The following ZNF391 variants were observed in gnomAD, a reference collection of about 807,000 sequenced individuals.
The protein encoded by ZNF391 is zinc finger protein 391.
For missense variants in ZNF391, 375 were observed against 425.5 expected (o/e 0.88, Z 1.04); for synonymous variants, 126 against 142.1 (o/e 0.89, Z 0.80).
intron 1 of ZNF391, among the ~76,000 whole-genome samples, chr6:27,392,359 A>C (rs575761299): frequency 6.6e-6 from 1 of 152,228 alleles, no homozygotes; most frequent in East Asian, 1.9e-4. Flanking sequence ...AGGTTCAAGC[A>C]ATTCTTCTGC....
chr6:27,396,235 G>A (rs1166453622), intron 1 of ZNF391, among the ~76,000 whole-genome samples: 1 of 152,128 alleles, frequency 6.6e-6, no homozygotes, highest in Non-Finnish European at 1.5e-5. Context: ...GAAGGAAAAG[G>A]AAAGTGATTT....
chr6:27,389,130 G>A, intron 1 of ZNF391, 55 bp downstream of exon 1: 1 of 456,670 alleles, frequency 2.2e-6, no homozygotes, highest in Non-Finnish European at 4.4e-6. Flanking sequence ...CGAAGGAAAC[G>A]GGCGAAAGGG....
Position 27,376,268 on chromosome 6 carries a change from T to A in ZNF391, n.523+1131T>A, listed in dbSNP as rs1455718688. ...TTGAAATGAATGAATTATTAATGAA[T>A]TATTATTAACACATTACAGATGAGT... On this transcript the variant is annotated intron_variant and non_coding_transcript_variant, in intron 1 of 2. Transcript: ENST00000477999. The surrounding 1 kb of genome is among the most constrained non-coding windows in gnomAD (Gnocchi z 4.7). Among the ~76,000 whole-genome samples, 9 of 152,216 alleles carry A rather than the reference T, an allele frequency of 5.9e-5. No homozygotes were observed. Among genetic ancestry groups the A allele is most frequent in the Non-Finnish European group, 1.3e-4 (9 of 68,044 alleles).
intron 1 of ZNF391, chr6:27,391,201 C>CTCT (rs1554125726): frequency 2.1e-5 from 2 of 97,278 alleles, no homozygotes; most frequent in African/African-American, 8.1e-5. Flanking sequence ...ATTCATTGTA[C>CTCT]TTTTTTTTTT....
chr6:27,387,217 A>G (rs75609535), upstream of ZNF391, among the ~76,000 whole-genome samples: 4,801 of 152,318 alleles, frequency 0.032, 171 homozygotes, highest in East Asian at 0.13. Context: ...AGTGTTAGCA[A>G]AGATGTGGAG....
intron 1 of ZNF391, among the ~76,000 whole-genome samples, chr6:27,393,637 C>G (rs1389194546): frequency 6.6e-6 from 1 of 152,122 alleles, no homozygotes; most frequent in Admixed American, 6.5e-5. Flanking sequence ...AACTGGGTAA[C>G]AGGCAGAGGG....
At position 27,403,750 on chromosome 6, in the gene ZNF391, A is replaced by G. The variant is rs1325169575; in HGVS notation, c.*2303A>G. The G allele has an allele frequency of 6.6e-6, 1 of 152,200 alleles. No homozygotes were observed. Among genetic ancestry groups the G allele is most frequent in the African/African-American group, 2.4e-5 (1 of 41,440 alleles). The allele number at this position is 152,200 out of a possible 1,614,324, so 9.4% of individuals were successfully genotyped here. A position where few individuals can be genotyped will look rare whatever the true frequency, so the allele number is the denominator to read the frequency against. ...ATTACATATATAACTGACTATTTAGACTGACTCCTTTAGATCTCCTGGGAT... is the reference window on the plus strand; with the variant it reads ...ATTACATATATAACTGACTATTTAGGCTGACTCCTTTAGATCTCCTGGGAT... On this transcript the variant is annotated 3_prime_UTR_variant, in exon 3 of 3. Transcript: ENST00000244576.
At chr6:27,382,847 C>T (rs4713088) in intron 1 of ZNF391, among the ~76,000 whole-genome samples, 108,523 of 152,068 alleles carry the variant, frequency 0.71, 38,900 homozygotes, top group Middle Eastern at 0.8. Context: ...AGGCTGAGCA[C>T]GGTGGCTCAT....
upstream of ZNF391, among the ~76,000 whole-genome samples, chr6:27,387,295 T>C (rs972487788): frequency 6.6e-6 from 1 of 152,224 alleles, no homozygotes; most frequent in African/African-American, 2.4e-5. Context: ...AACAGTTTGA[T>C]GGTTCCTCTA....
chr6:27,390,494 A>G (rs1761679823), intron 1 of ZNF391, among the ~76,000 whole-genome samples: 1 of 152,204 alleles, frequency 6.6e-6, no homozygotes, highest in South Asian at 2.1e-4. Context: ...TGGTGGAGGA[A>G]TCCCTTGGAT....
At chr6:27,385,461 A>T (rs1250516225), upstream of ZNF391, among the ~76,000 whole-genome samples, 2 of 152,238 alleles carry the variant, frequency 1.3e-5, 1 homozygote, top group Admixed American at 1.3e-4. Flanking sequence ...TACCATACTA[A>T]CACTAATCAA....
intron 1 of ZNF391, among the ~76,000 whole-genome samples, chr6:27,380,361 GGTGA>G (rs1322892583): frequency 6.6e-6 from 1 of 152,116 alleles, no homozygotes. Flanking sequence ...AGACCTTCGC[GGTGA>G]GTATTACAGC....
intron 1 of ZNF391, among the ~76,000 whole-genome samples, chr6:27,397,492 T>C (rs1488420319): frequency 6.6e-6 from 1 of 152,082 alleles, no homozygotes; most frequent in Non-Finnish European, 1.5e-5. Context: ...CAGCATGAGA[T>C]TTGGAGGGAA....
At chr6:27,393,914 T>C (rs1326488720) in intron 1 of ZNF391, among the ~76,000 whole-genome samples, 2 of 152,210 alleles carry the variant, frequency 1.3e-5, no homozygotes, top group Non-Finnish European at 2.9e-5. Flanking sequence ...ATTTAGGGTA[T>C]CTGGCAGAAG....
rs56209734 is a variant in ZNF391 at position 27,379,613 on chromosome 6, ACC to A, written n.523+4484_523+4485del. Among the ~76,000 whole-genome samples the A allele has an allele frequency of 1.3e-3, 192 of 151,524 alleles. 4 individuals are homozygous for A. In the South Asian group the frequency reaches 0.035, roughly 28 times the overall value. ...TCCAGGAGAACCCAGTCACCAGGGGACCCCCCCCCATACTTTTGTGAGTTTTA... is the reference window on the plus strand; with the variant it reads ...TCCAGGAGAACCCAGTCACCAGGGGACCCCCCCATACTTTTGTGAGTTTTA... On this transcript the variant is annotated intron_variant and non_coding_transcript_variant, in intron 1 of 2. Coordinates refer to the ZNF391 transcript ENST00000477999.
chr6:27,380,907 G>T lies in ZNF391; in HGVS notation n.523+5770G>T, dbSNP rs1038619014. ...TGATTGGTATGTTTACAAACCTTGAGTTAGATACAGAGTGCCCATTGGTGT... is the reference window on the plus strand; with the variant it reads ...TGATTGGTATGTTTACAAACCTTGATTTAGATACAGAGTGCCCATTGGTGT... On this transcript the variant is annotated intron_variant and non_coding_transcript_variant, in intron 1 of 2. Coordinates refer to the ZNF391 transcript ENST00000477999. Among the ~76,000 whole-genome samples, 6 of 152,098 alleles carry T rather than the reference G, an allele frequency of 3.9e-5. No individual in the cohort carries two copies. In the East Asian group the frequency reaches 1.2e-3, roughly 29 times the overall value.
At chr6:27,394,079 A>G (rs1313563679) in intron 1 of ZNF391, among the ~76,000 whole-genome samples, 3 of 152,254 alleles carry the variant, frequency 2.0e-5, no homozygotes, top group African/African-American at 7.2e-5. Flanking sequence ...GGAAAGAAAA[A>G]AAAAGCTTTT....
At chr6:27,384,932 C>G (rs1397793790), upstream of ZNF391, among the ~76,000 whole-genome samples, 1 of 151,854 alleles carries the variant, frequency 6.6e-6, no homozygotes, top group African/African-American at 2.4e-5. Context: ...GTAGGAGAAG[C>G]CTGAACACGG....
rs964944676 is a variant in ZNF391, at chr6:27,376,521, G to T, written n.523+1384G>T. ...TGGATTGGGACGTATGTGTGTATGT[G>T]CTCTCTAACTCCTCTGCCTGATCTT... On this transcript the variant is annotated intron_variant and non_coding_transcript_variant, in intron 1 of 2. Transcript: ENST00000477999. This position sits in a 1 kb window ranked among gnomAD's most constrained non-coding sequence, Gnocchi z 4.7. Among the ~76,000 whole-genome samples, 1 of 152,110 alleles carries T rather than the reference G, an allele frequency of 6.6e-6. No homozygotes were observed.
Sources: gnomAD v4.1 joint callset for allele counts (sites outside exome capture counted in the v4.1 genomes callset) on GRCh38, gnomAD v4.1.1 for gene constraint, Gnocchi (gnomAD v3.1) non-coding constraint, MANE v1.5 for transcripts, NCBI Gene and HGNC (gene_info 2026-07-23, HGNC 2026-07-21) for gene names.